The following TPMT variants were observed in gnomAD, a reference collection of about 807,000 sequenced individuals.
The protein encoded by TPMT is thiopurine S-methyltransferase, also known as S-adenosyl-L-methionine:thiopurine S-methyltransferase.
TPMT carries 18 observed loss-of-function variants against 34.2 expected under a neutral mutation model. The ratio of observed to expected loss-of-function variants is 0.53; its 90% CI spans 0.36 to 0.78. The LOEUF is 0.78. Ranked by LOEUF, TPMT falls within the 30% of genes least tolerant of loss-of-function variation. The pLI, the probability that TPMT is intolerant of heterozygous loss-of-function variation, is 0.00. For synonymous variants in TPMT, 69 were observed against 92.4 expected (o/e 0.75, Z 1.45); for missense variants, 265 against 288.1 (o/e 0.92, Z 0.58).
intron 4 of TPMT, among the ~76,000 whole-genome samples, chr6:18,141,949 TAAG>T (rs1230755149): frequency 6.6e-6 from 1 of 152,108 alleles, no homozygotes; most frequent in Non-Finnish European, 1.5e-5. Flanking sequence ...ACCTGTAGAG[TAAG>T]AAGCAGACAA....
rs780065109 is a variant in TPMT, at chr6:18,130,714, C to G, written c.692G>C (p.Gly231Ala). The G allele has an allele frequency of 1.9e-6, 3 of 1,613,230 alleles. No homozygotes were observed. Among genetic ancestry groups the G allele is most frequent in the Admixed American group, 1.7e-5 (1 of 60,000 alleles). ...DAFEERHKSW[G>A]IDCLFEKLYL... The stretch of plus-strand genomic sequence containing the variant: ...TAACTTTTCAAAAAGACAGTCAATT[C>G]CCCAACTTTTATGTCGTTCTTCAAA... The change falls in exon 9 of 9, where the codon GGA becomes GCA. Residue 231 changes from glycine to alanine, a missense_variant. Coordinates refer to ENST00000309983, the MANE Select transcript of TPMT (RefSeq NM_000367.5). This position sits in a 1 kb window ranked among gnomAD's most constrained non-coding sequence, Gnocchi z 4.2.
In TPMT at chr6:18,130,783, G is replaced by T; in HGVS notation, c.626-3C>A. The T allele has an allele frequency of 6.3e-7, 1 of 1,597,670 alleles. No individual in the cohort carries two copies. On this transcript the variant is annotated splice_region_variant and splice_polypyrimidine_tract_variant and intron_variant, in intron 8 of 8. Coordinates refer to ENST00000309983, the MANE Select transcript of TPMT (RefSeq NM_000367.5). This position sits in a 1 kb window ranked among gnomAD's most constrained non-coding sequence, Gnocchi z 4.2. ...ACAACGTATATTGCATATTTTACCTGAAACAAGAAAGAGTAACATGTTAAA... is the reference window on the plus strand; with the variant it reads ...ACAACGTATATTGCATATTTTACCTTAAACAAGAAAGAGTAACATGTTAAA...
rs1312440197 is a variant in TPMT at position 18,154,610 on chromosome 6, A to G, written c.-45+423T>C. The stretch of plus-strand genomic sequence containing the variant: ...AAACCGAGAGTCCGTTTCTATAAAA[A>G]AAAATTTGAAAAATTAGCCAAGCGT... On this transcript the variant is annotated intron_variant, in intron 1 of 8. Transcript: ENST00000309983. This position sits in a 1 kb window ranked among gnomAD's most constrained non-coding sequence, Gnocchi z 4.2. Among the ~76,000 whole-genome samples the G allele has an allele frequency of 3.9e-5, 6 of 152,094 alleles. No individual in the cohort carries two copies. The highest frequency in any genetic ancestry group is 1.4e-4 in the African/African-American group (6 of 41,422).
At position 18,144,806 on chromosome 6, in the gene TPMT, C is replaced by T. The variant is rs148976178; in HGVS notation, c.234-1078G>A. Among the ~76,000 whole-genome samples, 247 of 151,978 alleles carry T rather than the reference C, an allele frequency of 1.6e-3. 8 individuals are homozygous for T. Among genetic ancestry groups the T allele is most frequent in the Admixed American group, 0.014 (210 of 15,264 alleles). On this transcript the variant is annotated intron_variant, in intron 3 of 8. Coordinates refer to ENST00000309983, the MANE Select transcript of TPMT (RefSeq NM_000367.5). ...CACAATCTCAGCTCACTGCAACCTC[C>T]ACCTCCCGAGTTCAACCAATTCTCC...
At position 18,131,183 on chromosome 6, in the gene TPMT, C is replaced by A. The variant is rs1477479750; in HGVS notation, c.626-403G>T. On this transcript the variant is annotated intron_variant, in intron 8 of 8. Coordinates refer to ENST00000309983, the MANE Select transcript of TPMT (RefSeq NM_000367.5). This position sits in a 1 kb window ranked among gnomAD's most constrained non-coding sequence, Gnocchi z 4.3. ...TTGAAATTATTTTAAAAACAGTGTA[C>A]ACTAAACATTTTTCTCTTCTTTTTA... 6.6e-6 allele frequency among the ~76,000 whole-genome samples: 1 copy of A among 152,170 alleles called. No homozygotes were observed. The highest frequency in any genetic ancestry group is 1.5e-5 in the Non-Finnish European group (1 of 68,038).
In TPMT at chr6:18,154,973, T is replaced by G. The variant is rs1362110111; in HGVS notation, c.-45+60A>C. 1 of 152,324 alleles carries G rather than the reference T, an allele frequency of 6.6e-6. No homozygotes were observed. Among genetic ancestry groups the G allele is most frequent in the Admixed American group, 6.5e-5 (1 of 15,282 alleles). The allele number at this position is 152,324 out of a possible 1,614,324, so 9.4% of individuals were successfully genotyped here. On this transcript the variant is annotated intron_variant, in intron 1 of 8. Coordinates refer to ENST00000309983, the MANE Select transcript of TPMT (RefSeq NM_000367.5). The surrounding 1 kb of genome is among the most constrained non-coding windows in gnomAD (Gnocchi z 4.2). Reference sequence around the variant, plus strand: ...TCCTGGGAGCCCTAGCACGGGCGCATACACTCCTAGCAAATCGTTCCCTTT... The same window carrying G: ...TCCTGGGAGCCCTAGCACGGGCGCAGACACTCCTAGCAAATCGTTCCCTTT...
rs1375131993 is a variant in TPMT at position 18,150,746 on chromosome 6, C to T, written c.-44-1575G>A. On this transcript the variant is annotated intron_variant, in intron 1 of 8. Transcript: ENST00000309983. This position sits in a 1 kb window ranked among gnomAD's most constrained non-coding sequence, Gnocchi z 5.3. ...TCCTCATCCTTGATGCATAGCTCTG[C>T]TGGGTATCAAATTCTTGGTTAGAAG... Among the ~76,000 whole-genome samples the T allele has an allele frequency of 6.6e-6, 1 of 152,164 alleles. No individual in the cohort carries two copies. The highest frequency in any genetic ancestry group is 1.5e-5 in the Non-Finnish European group (1 of 68,026).
chr6:18,153,698 G>C lies in TPMT; in HGVS notation c.-45+1335C>G, dbSNP rs1221164467. Among the ~76,000 whole-genome samples, 1 of 152,178 alleles carries C rather than the reference G, an allele frequency of 6.6e-6. No individual in the cohort carries two copies. The highest frequency in any genetic ancestry group is 2.4e-5 in the African/African-American group (1 of 41,430). On this transcript the variant is annotated intron_variant, in intron 1 of 8. Transcript: ENST00000309983. The surrounding 1 kb of genome is among the most constrained non-coding windows in gnomAD (Gnocchi z 4.2). ...GAGTTTTCTGAGAGGTCAGTAGAAA[G>C]TATCTGATTTATATTGGGTACAGAA...
rs1784426706 is a variant in TPMT at position 18,154,255 on chromosome 6, A to G, written c.-45+778T>C. Reference sequence around the variant, plus strand: ...CTATAATACAAAAAAAGTGCACATTACAAGAATTAAGGAAGGGAAATTTCA... The same window carrying G: ...CTATAATACAAAAAAAGTGCACATTGCAAGAATTAAGGAAGGGAAATTTCA... On this transcript the variant is annotated intron_variant, in intron 1 of 8. Transcript: ENST00000309983. This position sits in a 1 kb window ranked among gnomAD's most constrained non-coding sequence, Gnocchi z 4.2. Among the ~76,000 whole-genome samples, 1 of 152,180 alleles carries G rather than the reference A, an allele frequency of 6.6e-6. No homozygotes were observed. The highest frequency in any genetic ancestry group is 1.5e-5 in the Non-Finnish European group (1 of 68,038).
rs540773043 is a variant in TPMT at position 18,131,031 on chromosome 6, G to A, written c.626-251C>T. ...CACATGCCTGTAATCCCAGCTACTT[G>A]GGAGGTTGAGGCAGGAGAATCGCTT... On this transcript the variant is annotated intron_variant, in intron 8 of 8. Transcript: ENST00000309983. This position sits in a 1 kb window ranked among gnomAD's most constrained non-coding sequence, Gnocchi z 4.3. 4.6e-5 allele frequency among the ~76,000 whole-genome samples: 7 copies of A among 152,234 alleles called. No individual in the cohort carries two copies. The South Asian group carries it at 1.5e-3, about 32-fold the overall frequency.
chr6:18,137,625 AT>A (rs1174753336), intron 6 of TPMT, among the ~76,000 whole-genome samples: 1 of 152,218 alleles, frequency 6.6e-6, no homozygotes, highest in Non-Finnish European at 1.5e-5. Flanking sequence ...TATAATAAGA[AT>A]GGTCATCAAA....
At position 18,146,825 on chromosome 6, in the gene TPMT, G is replaced by A. The variant is rs939551659; in HGVS notation, c.233+998C>T. Among the ~76,000 whole-genome samples, 1 of 152,140 alleles carries A rather than the reference G, an allele frequency of 6.6e-6. No individual in the cohort carries two copies. Among genetic ancestry groups the A allele is most frequent in the African/African-American group, 2.4e-5 (1 of 41,438 alleles). ...CTCAGCTACAGTTGATTGGTTGCTG[G>A]CTGCAAAAATTCTATCATCTCTACT... On this transcript the variant is annotated intron_variant, in intron 3 of 8. Transcript: ENST00000309983. This position sits in a 1 kb window ranked among gnomAD's most constrained non-coding sequence, Gnocchi z 6.2.
At chr6:18,142,492 C>T (rs948133430) in intron 4 of TPMT, among the ~76,000 whole-genome samples, 1 of 152,088 alleles carries the variant, frequency 6.6e-6, no homozygotes, top group Admixed American at 6.5e-5. Flanking sequence ...CCAACAGCCT[C>T]GCAACAGCAC....
rs75672602 is a variant in TPMT at position 18,145,289 on chromosome 6, T to G, written c.234-1561A>C. On this transcript the variant is annotated intron_variant, in intron 3 of 8. Transcript: ENST00000309983. The surrounding 1 kb of genome is among the most constrained non-coding windows in gnomAD (Gnocchi z 5.6). Reference sequence around the variant, plus strand: ...AACCTAATAATAACAGTTTTATACATGTTAAATGGTTGAGAAATAGATAAA... The same window carrying G: ...AACCTAATAATAACAGTTTTATACAGGTTAAATGGTTGAGAAATAGATAAA... 2.0e-5 allele frequency among the ~76,000 whole-genome samples: 3 copies of G among 152,148 alleles called. No individual in the cohort carries two copies. The highest frequency in any genetic ancestry group is 7.2e-5 in the African/African-American group (3 of 41,422).
chr6:18,139,900 G>A lies in TPMT; in HGVS notation c.367-183C>T, dbSNP rs1028691914. On this transcript the variant is annotated intron_variant, in intron 4 of 8. Coordinates refer to ENST00000309983, the MANE Select transcript of TPMT (RefSeq NM_000367.5). This position sits in a 1 kb window ranked among gnomAD's most constrained non-coding sequence, Gnocchi z 4.2. ...TATTTTTTTCTTTTAAAACCTGTGC[G>A]AGGTTCTTTTGGGCCAACTCAGAGG... Among the ~76,000 whole-genome samples the A allele has an allele frequency of 2.0e-5, 3 of 152,028 alleles. No individual in the cohort carries two copies. Among genetic ancestry groups the A allele is most frequent in the South Asian group, 2.1e-4 (1 of 4,824 alleles).
At chr6:18,137,816 G>A (rs774658416) in intron 6 of TPMT, among the ~76,000 whole-genome samples, 5 of 152,044 alleles carry the variant, frequency 3.3e-5, no homozygotes, top group South Asian at 2.1e-4. Flanking sequence ...ATGGAGGGTC[G>A]CTCTTGTCGT....
chr6:18,139,741 AATTT>A lies in TPMT; in HGVS notation c.367-28_367-25del. 4 of 1,408,394 alleles carry A rather than the reference AATTT, an allele frequency of 2.8e-6. No individual in the cohort carries two copies. Among genetic ancestry groups the A allele is most frequent in the Non-Finnish European group, 3.9e-6 (4 of 1,024,598 alleles). 87.2% of individuals were successfully genotyped at this position (1,408,394 alleles called of 1,614,324 possible). On this transcript the variant is annotated intron_variant, in intron 4 of 8. Coordinates refer to ENST00000309983, the MANE Select transcript of TPMT (RefSeq NM_000367.5). This position sits in a 1 kb window ranked among gnomAD's most constrained non-coding sequence, Gnocchi z 4.2. The stretch of plus-strand genomic sequence containing the variant: ...CTCTGTAATGAAATAATGAAAAAAA[AATTT>A]TTTTTTTTTACTTAGTAAGTACTTG...
Position 18,147,924 on chromosome 6 carries a change from GAAA to G in TPMT, c.141-12_141-10del. ...AATGCTTCTTTAATAGCCTGAAGAG[GAAA>G]AAAAAAAAGGTTTTAGGACAATTGT... On this transcript the variant is annotated splice_polypyrimidine_tract_variant and intron_variant, in intron 2 of 8. Coordinates refer to ENST00000309983, the MANE Select transcript of TPMT (RefSeq NM_000367.5). 2.4e-6 allele frequency: 3 copies of G among 1,260,336 alleles called. No individual in the cohort carries two copies. The highest frequency in any genetic ancestry group is 1.4e-5 in the South Asian group (1 of 70,340). The allele number at this position is 1,260,336 out of a possible 1,614,324, so 78.1% of individuals were successfully genotyped here.
intron 4 of TPMT, among the ~76,000 whole-genome samples, chr6:18,142,039 G>A (rs1784151365): frequency 6.6e-6 from 1 of 152,134 alleles, no homozygotes; most frequent in Non-Finnish European, 1.5e-5. Flanking sequence ...AGCACGTTAT[G>A]TAAACATCAC....
Sources: gnomAD v4.1 joint callset for allele counts (sites outside exome capture counted in the v4.1 genomes callset) on GRCh38, gnomAD v4.1.1 for gene constraint, Gnocchi (gnomAD v3.1) non-coding constraint, MANE v1.5 for transcripts, NCBI Gene and HGNC (gene_info 2026-07-23, HGNC 2026-07-21) for gene names.